The following MBOAT2 variants were observed in gnomAD, a reference collection of about 807,000 sequenced individuals.
MBOAT2 encodes the protein membrane-bound glycerophospholipid O-acyltransferase 2.
Under a neutral mutation model 63.4 loss-of-function variants are expected in MBOAT2, and 28 were observed. The ratio of observed to expected loss-of-function variants is 0.44; its 90% confidence interval spans 0.33 to 0.61. The LOEUF is 0.61. Among genes scored for constraint, MBOAT2 ranks in the 20% least tolerant of loss-of-function variants. The pLI is 0.03. For synonymous variants in MBOAT2, 211 were observed against 215.6 expected (o/e 0.98, Z 0.19); for missense variants, 470 against 605.8 (o/e 0.78, Z 2.35).
chr2:8,981,929 A>T (rs1359934389), intron 1 of MBOAT2, among the ~76,000 whole-genome samples: 1 of 152,188 alleles, frequency 6.6e-6, no homozygotes, highest in Non-Finnish European at 1.5e-5. Context: ...AACATTGGAA[A>T]GAGCACACAA....
chr2:8,997,782 CAAAG>C (rs1672410794), intron 1 of MBOAT2, among the ~76,000 whole-genome samples: 1 of 152,024 alleles, frequency 6.6e-6, no homozygotes, highest in Non-Finnish European at 1.5e-5. Flanking sequence ...AGTGTTTTGC[CAAAG>C]AGCACAAGGC....
intron 1 of MBOAT2, among the ~76,000 whole-genome samples, chr2:8,991,174 T>C (rs1464258352): frequency 1.3e-5 from 2 of 152,070 alleles, no homozygotes; most frequent in Non-Finnish European, 2.9e-5. Flanking sequence ...AAATAAAACA[T>C]TTTGGCCAAA....
chr2:8,864,865 T>TC (rs1661757534), intron 9 of MBOAT2, among the ~76,000 whole-genome samples: 1 of 152,176 alleles, frequency 6.6e-6, no homozygotes, highest in Non-Finnish European at 1.5e-5. Flanking sequence ...AACTCTCTCC[T>TC]CCTCTGGTCT....
chr2:8,973,222 A>G (rs948466659), intron 1 of MBOAT2, among the ~76,000 whole-genome samples: 5 of 152,092 alleles, frequency 3.3e-5, no homozygotes, highest in Admixed American at 6.5e-5. Context: ...CTTTGTGGGG[A>G]CATGGATGAA....
chr2:8,983,596 G>GCAA (rs946614804), intron 1 of MBOAT2, among the ~76,000 whole-genome samples: 24 of 152,268 alleles, frequency 1.6e-4, no homozygotes, highest in Admixed American at 1.6e-3. Context: ...CGAACTAAAT[G>GCAA]CAACCTATGA....
intron 2 of MBOAT2, among the ~76,000 whole-genome samples, chr2:8,951,169 AT>A (rs1168235612): frequency 2.0e-5 from 3 of 148,450 alleles, no homozygotes; most frequent in African/African-American, 7.4e-5. Flanking sequence ...CTTCTCCTCA[AT>A]TTTTTTGTAA....
chr2:8,912,347 GAA>G (rs1231122970), intron 3 of MBOAT2, among the ~76,000 whole-genome samples: 43 of 79,956 alleles, frequency 5.4e-4, no homozygotes, highest in African/African-American at 2.0e-3. Flanking sequence ...AAGAAAGAAA[GAA>G]AGAGAAAGAA....
At chr2:8,953,936 T>C (rs1415374496) in intron 2 of MBOAT2, among the ~76,000 whole-genome samples, 1 of 152,278 alleles carries the variant, frequency 6.6e-6, no homozygotes, top group Non-Finnish European at 1.5e-5. Flanking sequence ...GTTTCCATTC[T>C]GGTTAGGGTC....
rs1297958299 is a variant in MBOAT2, at chr2:8,908,728, A to G, written c.300-12T>C. On this transcript the variant is annotated splice_polypyrimidine_tract_variant and intron_variant, in intron 3 of 12. Transcript: ENST00000305997. ...ACACAAAGCAGTAACTGCAAAACAA[A>G]AATAAGCTACATTAATGAAAATAAG... The G allele has an allele frequency of 6.5e-7, 1 of 1,531,712 alleles. No homozygotes were observed. The highest frequency in any genetic ancestry group is 2.3e-5 in the East Asian group (1 of 44,304). 94.9% of individuals were successfully genotyped at this position (1,531,712 alleles called of 1,614,324 possible).
rs182570653 is a variant in MBOAT2 at position 8,899,961 on chromosome 2, G to A, written c.395+8660C>T. ...TTTCTCCTGATATCTGCGGCTGATT[G>A]GGTAATAAACTTATCTTTTAGAATC... On this transcript the variant is annotated intron_variant, in intron 4 of 12. Coordinates refer to ENST00000305997, the MANE Select transcript of MBOAT2 (RefSeq NM_138799.4). Among the ~76,000 whole-genome samples, 287 of 152,272 alleles carry A rather than the reference G, an allele frequency of 1.9e-3. 1 individual carries two copies. The highest frequency in any genetic ancestry group is 5.3e-3 in the African/African-American group (220 of 41,540).
chr2:8,900,597 C>T (rs1001360509), intron 4 of MBOAT2, among the ~76,000 whole-genome samples: 3 of 152,068 alleles, frequency 2.0e-5, no homozygotes, highest in African/African-American at 7.2e-5. Flanking sequence ...TTGGAGATTT[C>T]TTTGCTTATT....
At chr2:8,866,432 A>C (rs1572917287) in intron 9 of MBOAT2, among the ~76,000 whole-genome samples, 1 of 152,136 alleles carries the variant, frequency 6.6e-6, no homozygotes, top group Admixed American at 6.5e-5. Context: ...CCATCATTCA[A>C]CTTCAACAAT....
chr2:8,860,004 T>C (rs1453833820), intron 12 of MBOAT2, among the ~76,000 whole-genome samples: 1 of 151,586 alleles, frequency 6.6e-6, no homozygotes, highest in Non-Finnish European at 1.5e-5. Context: ...GCCAAGATGG[T>C]GAAACCCCAT....
At chr2:8,920,867 A>C (rs1666516454) in intron 3 of MBOAT2, among the ~76,000 whole-genome samples, 1 of 152,162 alleles carries the variant, frequency 6.6e-6, no homozygotes, top group South Asian at 2.1e-4. Flanking sequence ...TGGTCTTATA[A>C]ACTGCAACCT....
chr2:8,962,069 G>A (rs1669641853), intron 1 of MBOAT2, among the ~76,000 whole-genome samples: 1 of 152,076 alleles, frequency 6.6e-6, no homozygotes, highest in Non-Finnish European at 1.5e-5. Flanking sequence ...CTCATCACTT[G>A]CTCATCTAAT....
chr2:8,986,361 C>T (rs1157963139), intron 1 of MBOAT2, among the ~76,000 whole-genome samples: 2 of 151,884 alleles, frequency 1.3e-5, no homozygotes, highest in Admixed American at 6.6e-5. Flanking sequence ...TGATCACTTG[C>T]GAGACCAGCC....
chr2:8,873,007 G>T, intron 8 of MBOAT2, 101 bp downstream of exon 8: 1 of 1,004,828 alleles, frequency 1.0e-6, no homozygotes, highest in South Asian at 2.4e-5. Context: ...TTTTCCAATT[G>T]GTCTTTATGT....
At chr2:8,866,746 G>A (rs1661923257) in intron 9 of MBOAT2, among the ~76,000 whole-genome samples, 2 of 152,180 alleles carry the variant, frequency 1.3e-5, no homozygotes, top group African/African-American at 2.4e-5. Context: ...GTAACAGCTT[G>A]GGTCATATGT....
chr2:8,911,992 CATG>C (rs756482170), intron 3 of MBOAT2, among the ~76,000 whole-genome samples: 1 of 152,040 alleles, frequency 6.6e-6, no homozygotes, highest in Non-Finnish European at 1.5e-5. Flanking sequence ...ACAAAAATCA[CATG>C]ATATCTCAAC....
Sources: allele counts gnomAD v4.1 joint callset (sites outside exome capture counted in the v4.1 genomes callset), GRCh38; gene constraint gnomAD v4.1.1; transcripts MANE v1.5; gene names NCBI Gene and HGNC (gene_info 2026-07-23, HGNC 2026-07-21).